TFCP2L1: variants seen among roughly 807,000 people sequenced by gnomAD.
The protein encoded by TFCP2L1 is transcription factor CP2 like 1.
In TFCP2L1, 12 loss-of-function variants were observed where a neutral mutation model predicts 72.2. That is an observed-to-expected ratio of 0.17 (90% CI 0.11 to 0.27). The LOEUF (loss-of-function observed/expected upper bound fraction) is 0.27, where lower values mean the gene tolerates loss of function less well. Ranked by LOEUF, TFCP2L1 falls within the 10% of genes least tolerant of loss-of-function variation. The pLI is 1.00. For synonymous variants in TFCP2L1, 260 were observed against 251.0 expected, an observed-to-expected ratio of 1.04 and a Z score of -0.34; for missense variants, 488 against 624.6, an observed-to-expected ratio of 0.78 and a Z score of 2.33.
In TFCP2L1 at chr2:121,246,923, C is replaced by T; in HGVS notation, c.552G>A (p.Glu184=). The T allele has an allele frequency of 6.2e-7, 1 of 1,614,166 alleles. No individual in the cohort carries two copies. Among genetic ancestry groups the T allele is most frequent in the Non-Finnish European group, 8.5e-7 (1 of 1,180,024 alleles). The change falls in exon 6 of 15, where the codon GAG becomes GAA. Residue 184 remains glutamate (E), a synonymous_variant. Transcript: ENST00000263707. ...TCTGGACTCGAAAGGGCACTCCCTT[C>T]TCGCCCCCGTGCTTCCTGGGGGTGA... ...TEFTPRKHGG[E]KGVPFRVQID... is the part of the protein sequence containing the mutation.
At chr2:121,253,088 C>T (rs1051462009) in intron 2 of TFCP2L1, among the ~76,000 whole-genome samples, 12 of 152,164 alleles carry the variant, frequency 7.9e-5, no homozygotes, top group African/African-American at 1.7e-4. Flanking sequence ...CAGAGCCACA[C>T]GGCACCATGT....
intron 3 of TFCP2L1, 97 bp from the exon 4 acceptor site, chr2:121,249,184 G>T: frequency 1.1e-6 from 1 of 928,170 alleles, no homozygotes; most frequent in Non-Finnish European, 1.6e-6. Context: ...CCACCTTTGA[G>T]GCCCCTCCCC....
intron 6 of TFCP2L1, among the ~76,000 whole-genome samples, chr2:121,245,855 G>A (rs1433423141): frequency 5.3e-5 from 8 of 152,304 alleles, no homozygotes; most frequent in Admixed American, 2.0e-4. Context: ...CCGTGCCTTC[G>A]GTCTGGGGGA....
intron 2 of TFCP2L1, among the ~76,000 whole-genome samples, chr2:121,275,567 T>C (rs1687130872): frequency 6.9e-6 from 1 of 145,768 alleles, no homozygotes; most frequent in Non-Finnish European, 1.5e-5. Flanking sequence ...TAGAAGTAAG[T>C]CTTTTTTTTT....
In TFCP2L1 at chr2:121,235,328, C is replaced by G; in HGVS notation, c.1004-17G>C. ...AGTCAGCACCTAGGCAGGAAAAAAA[C>G]GGGGATGCCTGTTACATGGAACCCA... is the stretch of plus-strand genomic sequence containing the variant. On this transcript the variant is annotated splice_polypyrimidine_tract_variant and intron_variant, in intron 10 of 14. Transcript: ENST00000263707. 4 of 1,613,714 alleles carry G rather than the reference C, an allele frequency of 2.5e-6. No individual in the cohort carries two copies. The highest frequency in any genetic ancestry group is 3.4e-6 in the Non-Finnish European group (4 of 1,179,750).
chr2:121,234,294 G>A, intron 11 of TFCP2L1, 100 bp from the exon 12 acceptor site: 1 of 1,135,216 alleles, frequency 8.8e-7, no homozygotes, highest in Non-Finnish European at 1.3e-6. Flanking sequence ...AACTCAGGGA[G>A]GAAGAAAGAC....
intron 4 of TFCP2L1, 128 bp downstream of exon 4, chr2:121,248,854 G>C (rs2252628): frequency 0.16 from 91,832 of 584,742 alleles, 8,002 homozygotes; most frequent in East Asian, 0.31. Flanking sequence ...AGCTCCCGCG[G>C]GGTTTTACAC....
At chr2:121,280,992 C>T in intron 2 of TFCP2L1, 128 bp downstream of exon 2, 1 of 1,172,950 alleles carries the variant, frequency 8.5e-7, no homozygotes, top group East Asian at 2.5e-5. Flanking sequence ...TGCACCTGTT[C>T]TCTTTCCCGA....
intron 7 of TFCP2L1, among the ~76,000 whole-genome samples, chr2:121,241,682 A>G (rs1258508900): frequency 6.6e-6 from 1 of 151,970 alleles, no homozygotes; most frequent in Admixed American, 6.5e-5. Context: ...AAACCTGCCA[A>G]TTGCTTCCCA....
chr2:121,281,174 C>T lies in TFCP2L1; in HGVS notation c.160G>A (p.Ala54Thr). 1 of 1,613,744 alleles carries T rather than the reference C, an allele frequency of 6.2e-7. No individual in the cohort carries two copies. Among genetic ancestry groups the T allele is most frequent in the Non-Finnish European group, 8.5e-7 (1 of 1,180,000 alleles). The stretch of plus-strand genomic sequence containing the variant: ...TGCAGCTTCACGGCTGGGGACGTGG[C>T]AGCACACAACACATATTGCAGGGGT... Reference protein sequence around the residue: ...LPPLQYVLCAATSPAVKLHEE... With the variant: ...LPPLQYVLCATTSPAVKLHEE... Residue 54 changes from alanine (A) to threonine (T), a missense_variant, in exon 2 of 15, where the codon GCC becomes ACC. Transcript: ENST00000263707.
rs1685848682 is a variant in TFCP2L1, at chr2:121,217,043, CAG to C, written c.*7296_*7297del. On this transcript the variant is annotated 3_prime_UTR_variant, in exon 15 of 15. Transcript: ENST00000263707. ...CCCAGCCAGCAATGAGGCCTCAGGA[CAG>C]AGCCAGCACTGTGACAAAAGAACTT... The C allele has an allele frequency of 6.6e-6, 1 of 152,378 alleles. No homozygotes were observed. The highest frequency in any genetic ancestry group is 2.1e-4 in the South Asian group (1 of 4,834). The allele number at this position is 152,378 out of a possible 1,614,324, so 9.4% of individuals were successfully genotyped here.
At chr2:121,224,672 C>T (rs144767600) in intron 14 of TFCP2L1, among the ~76,000 whole-genome samples, 38 of 152,206 alleles carry the variant, frequency 2.5e-4, no homozygotes, top group African/African-American at 8.2e-4. Context: ...GATATTATGG[C>T]CCCCAAGGCC....
chr2:121,258,560 T>C (rs1294970981), intron 2 of TFCP2L1, among the ~76,000 whole-genome samples: 1 of 152,238 alleles, frequency 6.6e-6, no homozygotes, highest in Non-Finnish European at 1.5e-5. Context: ...GGACGCTGCA[T>C]CACCTACTTC....
In TFCP2L1 at chr2:121,249,610, C is replaced by T; in HGVS notation, c.252G>A (p.Lys84=). The part of the protein sequence containing the change: ...SYEIRLLENR[K]LGDFQDLNTK... ...TGTTCAGATCTTGAAAGTCTCCCAG[C>T]TTCCGATTCTCCAGTAGTCGGATTT... Residue 84 remains lysine (K), a synonymous_variant, in exon 3 of 15, where the codon AAG becomes AAA. Transcript: ENST00000263707. 1 of 1,614,244 alleles carries T rather than the reference C, an allele frequency of 6.2e-7. No individual in the cohort carries two copies. The highest frequency in any genetic ancestry group is 1.1e-5 in the South Asian group (1 of 91,086).
At chr2:121,266,268 C>A (rs1191796288) in intron 2 of TFCP2L1, among the ~76,000 whole-genome samples, 2 of 152,056 alleles carry the variant, frequency 1.3e-5, no homozygotes, top group East Asian at 3.9e-4. Flanking sequence ...CCATCTCTGA[C>A]CTTCCTTCCT....
chr2:121,270,663 T>C (rs1687028747), intron 2 of TFCP2L1, among the ~76,000 whole-genome samples: 1 of 152,148 alleles, frequency 6.6e-6, no homozygotes. Context: ...ATTATATTTT[T>C]AAATGTACTC....
intron 6 of TFCP2L1, among the ~76,000 whole-genome samples, chr2:121,245,864 G>A (rs1005155886): frequency 6.6e-6 from 1 of 152,214 alleles, no homozygotes; most frequent in East Asian, 1.9e-4. Context: ...CGGTCTGGGG[G>A]AAGATCAGCA....
intron 13 of TFCP2L1, 25 bp downstream of exon 13, chr2:121,231,799 CGG>C: frequency 6.2e-7 from 1 of 1,609,180 alleles, no homozygotes; most frequent in Non-Finnish European, 8.5e-7. Flanking sequence ...AGCCCGTTGT[CGG>C]GGCAGGCCAG....
chr2:121,244,785 G>A (rs1030822684), intron 6 of TFCP2L1, among the ~76,000 whole-genome samples: 2 of 152,188 alleles, frequency 1.3e-5, no homozygotes, highest in African/African-American at 2.4e-5. Context: ...CCTGACGGGG[G>A]CCAAGGCTGG....
Sources: gnomAD v4.1 joint callset for allele counts (sites outside exome capture counted in the v4.1 genomes callset) on GRCh38, gnomAD v4.1.1 for gene constraint, MANE v1.5 for transcripts, NCBI Gene and HGNC (gene_info 2026-07-23, HGNC 2026-07-21) for gene names.